Variants in C8orf34 observed in about 807,000 individuals in gnomAD.
The protein encoded by C8orf34 is chromosome 8 open reading frame 34, also known as uncharacterized protein C8orf34.
C8orf34 carries 65 observed loss-of-function variants against 68.3 expected under a neutral mutation model. That is an observed-to-expected ratio of 0.95 (90% confidence interval 0.78 to 1.17). C8orf34 has a LOEUF of 1.17. Ranked by LOEUF, C8orf34 falls within the 50% of genes most tolerant of loss-of-function variation. The pLI, the probability that C8orf34 is intolerant of heterozygous loss-of-function variation, is 0.00. For synonymous variants in C8orf34, 244 were observed against 241.2 expected (o/e 1.01, Z -0.11); for missense variants, 664 against 655.4 (o/e 1.01, Z -0.14).
At chr8:68,531,698 G>A (rs1001348873) in intron 6 of C8orf34, among the ~76,000 whole-genome samples, 13 of 151,796 alleles carry the variant, frequency 8.6e-5, no homozygotes, top group Non-Finnish European at 1.3e-4. Flanking sequence ...ACTTCTGCTT[G>A]GACAAGATGG....
chr8:68,446,346 A>C lies in C8orf34; in HGVS notation c.493A>C (p.Arg165=). The part of the protein sequence containing the change: ...SEKSESKGTR[R]DFRSYDKPWQ... ...TTTAACAGAATCCAAAGGAACAAGA[A>C]GGGATTTCAGAAGCTATGATAAACC... The change falls in exon 3 of 14, where the codon AGG becomes CGG. Residue 165 remains arginine (R), a synonymous_variant. Transcript: ENST00000518698. 4 of 1,599,452 alleles carry C rather than the reference A, an allele frequency of 2.5e-6. No homozygotes were observed. Among genetic ancestry groups the C allele is most frequent in the Non-Finnish European group, 3.4e-6 (4 of 1,176,244 alleles).
chr8:68,375,362 T>C (rs181569278), intron 1 of C8orf34, among the ~76,000 whole-genome samples: 1 of 152,304 alleles, frequency 6.6e-6, no homozygotes, highest in East Asian at 1.9e-4. Flanking sequence ...AAAACACATG[T>C]AAACAAGGGC....
At chr8:68,331,451 A>G (rs1222162054) in intron 1 of C8orf34, 112 bp downstream of exon 1, 4 of 1,223,874 alleles carry the variant, frequency 3.3e-6, no homozygotes, top group Non-Finnish European at 4.6e-6. Flanking sequence ...CTAGAGAACC[A>G]ACGCGCGGGA....
At chr8:68,626,517 A>G (rs1818542345) in intron 7 of C8orf34, among the ~76,000 whole-genome samples, 1 of 152,188 alleles carries the variant, frequency 6.6e-6, no homozygotes, top group African/African-American at 2.4e-5. Context: ...GTCTCTCCAA[A>G]TGGCTTTTTT....
At chr8:68,520,972 G>T (rs1316327003) in intron 5 of C8orf34, among the ~76,000 whole-genome samples, 1 of 152,112 alleles carries the variant, frequency 6.6e-6, no homozygotes, top group Non-Finnish European at 1.5e-5. Context: ...TCAGATAAAG[G>T]CACTATTAAA....
At chr8:68,459,837 G>C (rs539252177) in intron 3 of C8orf34, among the ~76,000 whole-genome samples, 1 of 152,114 alleles carries the variant, frequency 6.6e-6, no homozygotes, top group East Asian at 1.9e-4. Context: ...GAACAGCTCC[G>C]GTCTACAGCT....
At chr8:68,679,192 C>T (rs1424958412) in intron 8 of C8orf34, among the ~76,000 whole-genome samples, 1 of 152,038 alleles carries the variant, frequency 6.6e-6, no homozygotes, top group Non-Finnish European at 1.5e-5. Flanking sequence ...GGGGCTGAGG[C>T]AGGAGAATCG....
At chr8:68,749,235 T>C (rs1822620792) in intron 10 of C8orf34, among the ~76,000 whole-genome samples, 1 of 146,108 alleles carries the variant, frequency 6.8e-6, no homozygotes, top group South Asian at 2.2e-4. Context: ...TGGGGACTGT[T>C]GTGGGGTGGG....
intron 7 of C8orf34, among the ~76,000 whole-genome samples, chr8:68,634,040 A>T (rs868177477): frequency 2.0e-5 from 3 of 152,210 alleles, no homozygotes; most frequent in Non-Finnish European, 2.9e-5. Flanking sequence ...GATCCAAAAA[A>T]CAGAGGCAAT....
At chr8:68,669,759 G>A (rs1465329842) in intron 8 of C8orf34, among the ~76,000 whole-genome samples, 1 of 152,196 alleles carries the variant, frequency 6.6e-6, no homozygotes, top group African/African-American at 2.4e-5. Context: ...TGTCAATGGA[G>A]TTTTTCAGAG....
At chr8:68,644,886 G>A (rs770356131) in intron 8 of C8orf34, among the ~76,000 whole-genome samples, 2 of 152,080 alleles carry the variant, frequency 1.3e-5, no homozygotes, top group Non-Finnish European at 2.9e-5. Context: ...CTTTCTTTTT[G>A]GGCATCTGTA....
chr8:68,349,513 T>G (rs1806421289), intron 1 of C8orf34, among the ~76,000 whole-genome samples: 1 of 149,628 alleles, frequency 6.7e-6, no homozygotes, highest in South Asian at 2.1e-4. Flanking sequence ...GAGGACTCTC[T>G]CCTCCTCAAT....
intron 1 of C8orf34, among the ~76,000 whole-genome samples, chr8:68,403,675 G>A (rs1367609001): frequency 6.6e-6 from 1 of 152,058 alleles, no homozygotes; most frequent in Non-Finnish European, 1.5e-5. Flanking sequence ...GAGAATGATG[G>A]TTTCCAGCTT....
At chr8:68,384,148 A>G (rs971997136) in intron 1 of C8orf34, among the ~76,000 whole-genome samples, 1 of 152,178 alleles carries the variant, frequency 6.6e-6, no homozygotes, top group Admixed American at 6.5e-5. Context: ...TTCCAATTCT[A>G]TTTTCTAAGA....
At chr8:68,336,078 C>A (rs1435584413) in intron 1 of C8orf34, among the ~76,000 whole-genome samples, 1 of 151,610 alleles carries the variant, frequency 6.6e-6, no homozygotes, top group Non-Finnish European at 1.5e-5. Flanking sequence ...CAGAGGGAGA[C>A]CCCATTACAA....
intron 7 of C8orf34, among the ~76,000 whole-genome samples, chr8:68,545,025 A>G (rs1020481784): frequency 6.6e-6 from 1 of 152,184 alleles, no homozygotes; most frequent in Non-Finnish European, 1.5e-5. Flanking sequence ...TGAATCCATA[A>G]GAAGTTCTGG....
rs369624917 is a variant in C8orf34 at position 68,500,961 on chromosome 8, A to G, written c.765+12910A>G. Among the ~76,000 whole-genome samples the G allele has an allele frequency of 9.8e-5, 15 of 152,312 alleles. No homozygotes were observed. The East Asian group carries it at 2.3e-3, about 24-fold the overall frequency. The stretch of plus-strand genomic sequence containing the variant: ...ACATTTGCCATGGCTGAACACTTCA[A>G]AGAAATAATTAGATGTCCCATCTGT... On this transcript the variant is annotated intron_variant, in intron 5 of 13. Coordinates refer to ENST00000518698, the MANE Select transcript of C8orf34 (RefSeq NM_052958.4).
chr8:68,622,983 C>T (rs981985548), intron 7 of C8orf34, among the ~76,000 whole-genome samples: 7 of 152,178 alleles, frequency 4.6e-5, no homozygotes, highest in East Asian at 1.9e-4. Context: ...GAGACCCTTG[C>T]GGAGCAAGTC....
chr8:68,531,362 A>G (rs1034238010), intron 6 of C8orf34, among the ~76,000 whole-genome samples: 2 of 152,166 alleles, frequency 1.3e-5, no homozygotes, highest in African/African-American at 4.8e-5. Flanking sequence ...TTAGTCTTCT[A>G]TAATCTACAA....
Sources: gnomAD v4.1 joint callset for allele counts (sites outside exome capture counted in the v4.1 genomes callset) on GRCh38, gnomAD v4.1.1 for gene constraint, MANE v1.5 for transcripts, NCBI Gene and HGNC (gene_info 2026-07-23, HGNC 2026-07-21) for gene names.